DLG2: variants seen among roughly 807,000 people sequenced by gnomAD.
DLG2 encodes the protein disks large homolog 2.
Under a neutral mutation model 132.5 loss-of-function variants are expected in DLG2, and 45 were observed. The observed-to-expected ratio is 0.34, with a 90% CI of 0.27 to 0.44. The LOEUF (loss-of-function observed/expected upper bound fraction) is 0.44. Among genes scored for constraint, DLG2 ranks in the 20% least tolerant of loss-of-function variants. DLG2 has a pLI of 1.00. For missense variants in DLG2, 1,045 were observed against 1,196.9 expected (o/e 0.87, Z 1.87); for synonymous variants, 424 against 419.6 (o/e 1.01, Z -0.13).
At position 84,909,174 on chromosome 11, in the gene DLG2, TTC is replaced by T. The variant is rs1480364390; in HGVS notation, c.357+202485_357+202486del. Among the ~76,000 whole-genome samples, 5 of 152,194 alleles carry T rather than the reference TTC, an allele frequency of 3.3e-5. No homozygotes were observed. In the East Asian group the frequency reaches 9.7e-4, roughly 29 times the overall value. ...ATCTTTCCTAAATAGTATTTGAGGT[TTC>T]TCTCTGTTCCTGCTCTTCCTTAGCT... On this transcript the variant is annotated intron_variant, in intron 6 of 27. Coordinates refer to ENST00000376104, the MANE Select transcript of DLG2 (RefSeq NM_001142699.3).
chr11:83,947,774 T>C (rs1401285837), intron 14 of DLG2, among the ~76,000 whole-genome samples: 1 of 152,218 alleles, frequency 6.6e-6, no homozygotes, highest in Admixed American at 6.5e-5. Flanking sequence ...TAGTAAATGG[T>C]GAGCCCAGAC....
intron 16 of DLG2, among the ~76,000 whole-genome samples, chr11:83,843,789 G>A (rs545331047): frequency 6.6e-6 from 1 of 152,156 alleles, no homozygotes; most frequent in South Asian, 2.1e-4. Flanking sequence ...TGAACTAAAG[G>A]CATCTAGAAA....
intron 3 of DLG2, among the ~76,000 whole-genome samples, chr11:85,299,641 A>G (rs989502773): frequency 1.3e-5 from 2 of 152,148 alleles, no homozygotes; most frequent in African/African-American, 2.4e-5. Flanking sequence ...TCCATTCTTT[A>G]TCTCACATAA....
chr11:84,721,534 T>C (rs2061836442), intron 6 of DLG2, among the ~76,000 whole-genome samples: 1 of 129,688 alleles, frequency 7.7e-6, no homozygotes, highest in Non-Finnish European at 1.6e-5. Flanking sequence ...GCTGTCAAAA[T>C]TGCAGAAAGA....
intron 2 of DLG2, among the ~76,000 whole-genome samples, chr11:85,623,742 T>A (rs1193293540): frequency 6.6e-6 from 1 of 152,238 alleles, no homozygotes; most frequent in Non-Finnish European, 1.5e-5. Flanking sequence ...TAGAAAATTC[T>A]GTTAAAGCAT....
At chr11:84,980,455 A>G (rs2055576358) in intron 6 of DLG2, among the ~76,000 whole-genome samples, 1 of 152,052 alleles carries the variant, frequency 6.6e-6, no homozygotes, top group Non-Finnish European at 1.5e-5. Context: ...GCCAATCAAC[A>G]CTGTATCCTA....
At chr11:84,752,220 T>G (rs1397604642) in intron 6 of DLG2, among the ~76,000 whole-genome samples, 1 of 152,184 alleles carries the variant, frequency 6.6e-6, no homozygotes, top group Non-Finnish European at 1.5e-5. Flanking sequence ...TTTCCTTCAT[T>G]CACTTAAGTA....
chr11:85,476,873 T>C (rs1396513091), intron 3 of DLG2, among the ~76,000 whole-genome samples: 3 of 152,096 alleles, frequency 2.0e-5, no homozygotes, highest in South Asian at 4.1e-4. Context: ...GTGGAAAGAG[T>C]ACACTCTAAA....
intron 6 of DLG2, among the ~76,000 whole-genome samples, chr11:84,738,215 CT>C (rs962761648): frequency 1.3e-5 from 2 of 151,760 alleles, no homozygotes; most frequent in South Asian, 2.1e-4. Flanking sequence ...TAACAATTTT[CT>C]TTTTTTTCTT....
At chr11:85,547,404 T>C (rs960044142) in intron 3 of DLG2, among the ~76,000 whole-genome samples, 11 of 152,210 alleles carry the variant, frequency 7.2e-5, no homozygotes, top group African/African-American at 2.7e-4. Flanking sequence ...GACCTTTCTC[T>C]CTGGCTGCTC....
At chr11:84,940,528 G>T (rs2049281414) in intron 6 of DLG2, among the ~76,000 whole-genome samples, 1 of 152,158 alleles carries the variant, frequency 6.6e-6, no homozygotes, top group Admixed American at 6.5e-5. Context: ...GTCTTCTTTT[G>T]AGAAATGTGT....
intron 10 of DLG2, among the ~76,000 whole-genome samples, chr11:84,060,975 C>G (rs972906159): frequency 6.6e-6 from 1 of 152,186 alleles, no homozygotes; most frequent in African/African-American, 2.4e-5. Flanking sequence ...CTCTTGTTAC[C>G]TTTCAATCCA....
At chr11:83,527,338 A>T (rs1431334170) in intron 21 of DLG2, among the ~76,000 whole-genome samples, 1 of 152,198 alleles carries the variant, frequency 6.6e-6, no homozygotes, top group Non-Finnish European at 1.5e-5. Context: ...TCAGTCAGAC[A>T]TGAATTTTTC....
chr11:85,478,313 C>T (rs1257661760), intron 3 of DLG2, among the ~76,000 whole-genome samples: 1 of 152,084 alleles, frequency 6.6e-6, no homozygotes, highest in Non-Finnish European at 1.5e-5. Context: ...TGAGCCACTG[C>T]ACCTGGACCC....
intron 19 of DLG2, among the ~76,000 whole-genome samples, chr11:83,594,032 A>C (rs2097240954): frequency 6.6e-6 from 1 of 152,242 alleles, no homozygotes; most frequent in African/African-American, 2.4e-5. Flanking sequence ...AAAAAAATAC[A>C]AGGCCCTTAG....
At chr11:84,906,440 G>A (rs1365263789) in intron 6 of DLG2, among the ~76,000 whole-genome samples, 2 of 150,638 alleles carry the variant, frequency 1.3e-5, no homozygotes, top group Admixed American at 1.3e-4. Context: ...GCAATAATTA[G>A]TGTGCTTTAA....
At chr11:84,575,315 TG>T (rs1565344538) in intron 6 of DLG2, among the ~76,000 whole-genome samples, 1 of 152,138 alleles carries the variant, frequency 6.6e-6, no homozygotes, top group African/African-American at 2.4e-5. Context: ...CTCCTGATTG[TG>T]CATGCCTCCC....
intron 8 of DLG2, among the ~76,000 whole-genome samples, chr11:84,177,203 G>C (rs534527575): frequency 2.0e-5 from 3 of 152,122 alleles, no homozygotes; most frequent in African/African-American, 7.2e-5. Context: ...GGTCTTGCTT[G>C]CCAAGTTTTC....
At chr11:83,714,687 T>C in intron 18 of DLG2, among the ~76,000 whole-genome samples, 1 of 152,178 alleles carries the variant, frequency 6.6e-6, no homozygotes, top group East Asian at 1.9e-4. Flanking sequence ...AGGAGCCCTT[T>C]GAGAGGATCA....
Sources: allele counts gnomAD v4.1 joint callset (sites outside exome capture counted in the v4.1 genomes callset), GRCh38; gene constraint gnomAD v4.1.1; transcripts MANE v1.5; gene names NCBI Gene and HGNC (gene_info 2026-07-23, HGNC 2026-07-21).